Variants in HIVEP1 observed in about 807,000 individuals in gnomAD.
The protein encoded by HIVEP1 is HIVEP zinc finger 1.
A neutral mutation model predicts 180.0 loss-of-function variants in HIVEP1; 36 were observed. The ratio of observed to expected loss-of-function variants is 0.20; its 90% CI spans 0.15 to 0.26. The LOEUF (loss-of-function observed/expected upper bound fraction) is 0.26. Ranked by LOEUF, HIVEP1 falls within the 10% of genes least tolerant of loss-of-function variation. HIVEP1 has a pLI of 1.00. For synonymous variants in HIVEP1, 1,239 were observed against 1,239.0 expected (o/e 1.00, Z 0.00); for missense variants, 3,143 against 3,268.7 (o/e 0.96, Z 0.94).
At chr6:12,021,451 GT>G (rs1768201583) in intron 2 of HIVEP1, among the ~76,000 whole-genome samples, 2 of 152,234 alleles carry the variant, frequency 1.3e-5, no homozygotes, top group African/African-American at 4.8e-5. Context: ...TCACCTCTGA[GT>G]TTTTTCCCCC....
the HIVEP1 span, among the ~76,000 whole-genome samples, chr6:12,206,513 G>T: frequency 2.6e-5 from 4 of 152,130 alleles, no homozygotes; most frequent in African/African-American, 9.7e-5. Flanking sequence ...ATGAGGACTG[G>T]AGTTATGTTG....
Position 12,161,460 on chromosome 6 carries a change from A to G in HIVEP1, c.6509A>G (p.Tyr2170Cys). ...EESDEKQRFS[Y>C]ERSGYDLEES... ...TTAGATGAAAAACAGAGATTCAGTT[A>G]TGAGCGATCTGGATATGATCTTGAA... Residue 2170 changes from tyrosine to cysteine, a missense_variant, in exon 8 of 9, where the codon TAT becomes TGT. Tyr to Cys is a radical substitution (Grantham distance 194). Around this residue, in one of 12 missense-constraint regions of HIVEP1, gnomAD observed 126 missense variants for 168.5 expected, o/e 0.75. Coordinates refer to ENST00000379388, the MANE Select transcript of HIVEP1 (RefSeq NM_002114.4). 6.2e-7 allele frequency: 1 copy of G among 1,613,370 alleles called. No homozygotes were observed. The highest frequency in any genetic ancestry group is 8.5e-7 in the Non-Finnish European group (1 of 1,179,386).
chr6:12,047,264 T>A (rs374340260), intron 2 of HIVEP1, among the ~76,000 whole-genome samples: 3 of 152,352 alleles, frequency 2.0e-5, no homozygotes, highest in East Asian at 3.9e-4. Context: ...GTGTAAGTCT[T>A]GTAACGTTTT....
downstream of HIVEP1, among the ~76,000 whole-genome samples, chr6:12,168,291 A>ACATATACATATATACATATAT (rs1760802123): frequency 4.1e-5 from 3 of 72,366 alleles, no homozygotes; most frequent in Admixed American, 2.1e-4. Flanking sequence ...TATTATATAC[A>ACATATACATATATACATATAT]TATATACATA....
intron 7 of HIVEP1, among the ~76,000 whole-genome samples, chr6:12,153,696 A>G (rs1483188697): frequency 6.6e-6 from 1 of 152,008 alleles, no homozygotes; most frequent in African/African-American, 2.4e-5. Flanking sequence ...GTTAACCAGT[A>G]GAAGTGTTGA....
At chr6:12,184,326 A>G in the HIVEP1 span, among the ~76,000 whole-genome samples, 1 of 152,198 alleles carries the variant, frequency 6.6e-6, no homozygotes, top group Non-Finnish European at 1.5e-5. Context: ...AAAGATTTAG[A>G]TATAAATATC....
intron 7 of HIVEP1, among the ~76,000 whole-genome samples, chr6:12,156,026 G>T (rs1316414996): frequency 2.0e-5 from 3 of 152,104 alleles, no homozygotes; most frequent in Admixed American, 2.0e-4. Flanking sequence ...TTTTCTTCAT[G>T]TTGTTGGCTG....
chr6:12,157,873 T>C (rs1760155594), intron 7 of HIVEP1, among the ~76,000 whole-genome samples: 1 of 152,220 alleles, frequency 6.6e-6, no homozygotes, highest in African/African-American at 2.4e-5. Context: ...TCTTTCATCT[T>C]TGAAAATTAT....
At chr6:12,181,473 C>T in the HIVEP1 span, among the ~76,000 whole-genome samples, 1 of 151,884 alleles carries the variant, frequency 6.6e-6, no homozygotes, top group Non-Finnish European at 1.5e-5. Flanking sequence ...TGCAGTGACA[C>T]AATCATAGCT....
At chr6:12,099,213 G>A (rs1457331918) in intron 3 of HIVEP1, among the ~76,000 whole-genome samples, 1 of 142,390 alleles carries the variant, frequency 7.0e-6, no homozygotes, top group Non-Finnish European at 1.5e-5. Flanking sequence ...ACGGAGTCTC[G>A]CTCTGTCGCC....
intron 2 of HIVEP1, among the ~76,000 whole-genome samples, chr6:12,044,696 G>T (rs1205081253): frequency 2.0e-5 from 3 of 150,334 alleles, no homozygotes; most frequent in African/African-American, 7.4e-5. Context: ...GCAGCTGAGG[G>T]CTTTCTGTCC....
chr6:12,032,393 C>T (rs1769017982), intron 2 of HIVEP1, among the ~76,000 whole-genome samples: 1 of 152,128 alleles, frequency 6.6e-6, no homozygotes, highest in Non-Finnish European at 1.5e-5. Flanking sequence ...CCGCCCGCCT[C>T]AGCCTCCCAA....
the HIVEP1 span, among the ~76,000 whole-genome samples, chr6:12,184,556 T>C: frequency 6.6e-6 from 1 of 152,234 alleles, no homozygotes; most frequent in South Asian, 2.1e-4. Flanking sequence ...TTTAATTTCA[T>C]TGCAATCAAC....
chr6:12,067,056 G>A (rs114814249), intron 2 of HIVEP1, among the ~76,000 whole-genome samples: 3,868 of 152,132 alleles, frequency 0.025, 170 homozygotes, highest in African/African-American at 0.088. Context: ...AGATTTGGTG[G>A]TACATTTTCT....
chr6:12,048,986 G>A (rs927393469), intron 2 of HIVEP1, among the ~76,000 whole-genome samples: 59 of 152,240 alleles, frequency 3.9e-4, no homozygotes, highest in African/African-American at 1.3e-3. Flanking sequence ...TACTCATTGG[G>A]CATTATGATG....
intron 7 of HIVEP1, among the ~76,000 whole-genome samples, chr6:12,159,223 C>T (rs114323322): frequency 0.011 from 1,596 of 151,632 alleles, 23 homozygotes; most frequent in African/African-American, 0.036. Flanking sequence ...CGCGCGTGCA[C>T]GTGCACGCTT....
At chr6:12,169,597 C>T (rs560351735), downstream of HIVEP1, among the ~76,000 whole-genome samples, 2 of 152,110 alleles carry the variant, frequency 1.3e-5, no homozygotes, top group Non-Finnish European at 2.9e-5. Flanking sequence ...AGACCACAGA[C>T]TTTAAAAATG....
intron 8 of HIVEP1, 143 bp from the exon 9 acceptor site, chr6:12,163,140 T>C: frequency 1.4e-6 from 1 of 719,396 alleles, no homozygotes; most frequent in Non-Finnish European, 2.3e-6. Flanking sequence ...CGAAAAATAA[T>C]TTCATTGCAG....
intron 2 of HIVEP1, among the ~76,000 whole-genome samples, chr6:12,081,161 G>A (rs186498371): frequency 3.3e-5 from 5 of 152,188 alleles, no homozygotes; most frequent in Admixed American, 1.3e-4. Context: ...ATATCCAAAC[G>A]TGGCATCCCT....
Sources: allele counts gnomAD v4.1 joint callset (sites outside exome capture counted in the v4.1 genomes callset), GRCh38; gene constraint gnomAD v4.1.1; regional missense constraint gnomAD v4.1.1; transcripts MANE v1.5; gene names NCBI Gene and HGNC (gene_info 2026-07-23, HGNC 2026-07-21).